Variants in TMC1 observed in about 807,000 individuals in gnomAD.
TMC1 encodes transmembrane channel-like protein 1.
A neutral mutation model predicts 105.8 loss-of-function variants in TMC1; 84 were observed. That is an observed-to-expected ratio of 0.79 (90% CI 0.67 to 0.95). The LOEUF (loss-of-function observed/expected upper bound fraction) is 0.95, where lower values mean the gene tolerates loss of function less well. Ranked by LOEUF, TMC1 falls within the 40% of genes least tolerant of loss-of-function variation. TMC1 has a pLI of 0.00. For synonymous variants in TMC1, 315 were observed against 311.5 expected, an observed-to-expected ratio of 1.01 and a Z score of -0.12; for missense variants, 817 against 914.1, an observed-to-expected ratio of 0.89 and a Z score of 1.37.
intron 8 of TMC1, among the ~76,000 whole-genome samples, chr9:72,735,159 C>T (rs573733952): frequency 1.7e-4 from 26 of 152,242 alleles, no homozygotes; most frequent in African/African-American, 6.0e-4. Context: ...GGTTACAGCT[C>T]AGAGAGCTGT....
At chr9:72,769,922 A>G (rs1028579760) in intron 12 of TMC1, among the ~76,000 whole-genome samples, 2 of 152,184 alleles carry the variant, frequency 1.3e-5, no homozygotes, top group Non-Finnish European at 2.9e-5. Flanking sequence ...ATGTTCTGTT[A>G]TTGTCACCCT....
chr9:72,806,404 G>T (rs540860025), intron 18 of TMC1, among the ~76,000 whole-genome samples: 2 of 123,292 alleles, frequency 1.6e-5, no homozygotes, highest in African/African-American at 3.2e-5. Flanking sequence ...GGGGGCTGAC[G>T]CCCCCACCTC....
At chr9:72,786,718 G>T (rs1385149824) in intron 13 of TMC1, among the ~76,000 whole-genome samples, 1 of 152,092 alleles carries the variant, frequency 6.6e-6, no homozygotes, top group Non-Finnish European at 1.5e-5. Context: ...TTTGCCTTGG[G>T]CATCTTTCCT....
chr9:72,794,921 T>C (rs1167088046), intron 17 of TMC1, among the ~76,000 whole-genome samples: 1 of 152,098 alleles, frequency 6.6e-6, no homozygotes, highest in African/African-American at 2.4e-5. Context: ...GTAGCTGTTA[T>C]AAAAAAGAAG....
At position 72,778,861 on chromosome 9, in the gene TMC1, C is replaced by T. The variant is rs555365910; in HGVS notation, c.884+6306C>T. On this transcript the variant is annotated intron_variant, in intron 13 of 23. Transcript: ENST00000297784. ...TAGCTTCTTTGTTGGCAGACCCCAC[C>T]CAACTGTTGGAGAGCTTCTGAAGAC... Among the ~76,000 whole-genome samples, 8 of 152,252 alleles carry T rather than the reference C, an allele frequency of 5.3e-5. No individual in the cohort carries two copies. In the South Asian group the frequency reaches 1.0e-3, roughly 20 times the overall value.
At chr9:72,610,403 A>G (rs1057324320) in intron 2 of TMC1, among the ~76,000 whole-genome samples, 1 of 152,202 alleles carries the variant, frequency 6.6e-6, no homozygotes, top group African/African-American at 2.4e-5. Flanking sequence ...GTCCAGGCTC[A>G]TTCCAAAGGC....
chr9:72,691,850 C>G (rs1017024495), intron 6 of TMC1, among the ~76,000 whole-genome samples: 1 of 152,148 alleles, frequency 6.6e-6, no homozygotes, highest in Non-Finnish European at 1.5e-5. Context: ...TTCTTGCCAA[C>G]TGTGTCATGC....
At chr9:72,533,340 T>C (rs1322536449) in intron 1 of TMC1, among the ~76,000 whole-genome samples, 1 of 152,216 alleles carries the variant, frequency 6.6e-6, no homozygotes, top group African/African-American at 2.4e-5. Context: ...TTTACTTTTC[T>C]CTGCTCCAAA....
Position 72,672,142 on chromosome 9 carries a change from C to G in TMC1, c.17-16567C>G, listed in dbSNP as rs150319730. ...TGGTGACACCTGGTGCTCCCTTCAT[C>G]CAACTGGATCACTTTGAGATTCAGT... On this transcript the variant is annotated intron_variant, in intron 5 of 23. Coordinates refer to ENST00000297784, the MANE Select transcript of TMC1 (RefSeq NM_138691.3). 7.3e-3 allele frequency among the ~76,000 whole-genome samples: 1,115 copies of G among 152,272 alleles called. 20 individuals are homozygous for G. Among genetic ancestry groups the G allele is most frequent in the African/African-American group, 0.026 (1,062 of 41,538 alleles).
At chr9:72,654,495 C>A (rs570881097) in intron 5 of TMC1, among the ~76,000 whole-genome samples, 113 of 151,182 alleles carry the variant, frequency 7.5e-4, no homozygotes, top group Non-Finnish European at 1.2e-3. Context: ...TCTATAAATT[C>A]TTTGTTGTTG....
At chr9:72,602,828 T>C (rs1346311329) in intron 2 of TMC1, among the ~76,000 whole-genome samples, 1 of 152,214 alleles carries the variant, frequency 6.6e-6, no homozygotes, top group African/African-American at 2.4e-5. Flanking sequence ...TAGATAGAAA[T>C]GTACTTCATC....
intron 1 of TMC1, among the ~76,000 whole-genome samples, chr9:72,568,217 T>A (rs1214786785): frequency 1.3e-5 from 2 of 152,100 alleles, no homozygotes; most frequent in Non-Finnish European, 2.9e-5. Flanking sequence ...AAACTGAACT[T>A]GCCTCTTCAA....
At chr9:72,746,232 A>G (rs1041666792) in intron 10 of TMC1, among the ~76,000 whole-genome samples, 2 of 152,200 alleles carry the variant, frequency 1.3e-5, no homozygotes, top group African/African-American at 2.4e-5. Flanking sequence ...CATCAGAATC[A>G]TCTAATATAT....
intron 2 of TMC1, among the ~76,000 whole-genome samples, chr9:72,608,145 G>A (rs1824956637): frequency 6.6e-6 from 1 of 152,028 alleles, no homozygotes; most frequent in Admixed American, 6.6e-5. Flanking sequence ...CTCTGCCTGT[G>A]GCTCCATAAG....
intron 8 of TMC1, among the ~76,000 whole-genome samples, chr9:72,722,115 A>G (rs118105507): frequency 0.02 from 3,058 of 152,294 alleles, 48 homozygotes; most frequent in Non-Finnish European, 0.032. Context: ...GATGTTTTAC[A>G]CATCAACTCA....
chr9:72,711,371 T>C (rs965168941), intron 8 of TMC1, among the ~76,000 whole-genome samples: 8 of 152,256 alleles, frequency 5.3e-5, no homozygotes, highest in African/African-American at 1.4e-4. Context: ...TGAACTGCTT[T>C]AGACTCCCAC....
chr9:72,625,945 C>A (rs1037573510), intron 3 of TMC1, among the ~76,000 whole-genome samples: 1 of 152,128 alleles, frequency 6.6e-6, no homozygotes, highest in African/African-American at 2.4e-5. Context: ...CTGTGAATGT[C>A]AGATCAGTTC....
intron 5 of TMC1, among the ~76,000 whole-genome samples, chr9:72,665,959 CTCCACAGTTCCT>C (rs528349768): frequency 6.6e-6 from 1 of 152,186 alleles, no homozygotes; most frequent in African/African-American, 2.4e-5. Flanking sequence ...TCACAGTTCC[CTCCACAGTTCCT>C]CCATGGCCTT....
At chr9:72,529,807 A>C (rs1823468372) in intron 1 of TMC1, among the ~76,000 whole-genome samples, 3 of 152,298 alleles carry the variant, frequency 2.0e-5, no homozygotes, top group South Asian at 2.1e-4. Flanking sequence ...GAATCAAATT[A>C]TGAGACTAAA....
Sources: gnomAD v4.1 joint callset for allele counts (sites outside exome capture counted in the v4.1 genomes callset) on GRCh38, gnomAD v4.1.1 for gene constraint, MANE v1.5 for transcripts, NCBI Gene and HGNC (gene_info 2026-07-23, HGNC 2026-07-21) for gene names.